Variants in DTNA observed in about 807,000 individuals in gnomAD.
DTNA encodes dystrophin-related protein 3.
A neutral mutation model predicts 100.7 loss-of-function variants in DTNA; 43 were observed. The ratio of observed to expected loss-of-function variants is 0.43; its 90% CI spans 0.33 to 0.55. The LOEUF (loss-of-function observed/expected upper bound fraction) is 0.55, where lower values mean the gene tolerates loss of function less well. DTNA is among the 20% of genes least tolerant of loss of function. DTNA has a pLI of 0.04. For synonymous variants in DTNA, 349 were observed against 347.9 expected, an observed-to-expected ratio of 1.00 and a Z score of -0.04; for missense variants, 798 against 953.9, an observed-to-expected ratio of 0.84 and a Z score of 2.15.
At chr18:34,558,601 A>G (rs969198654) in intron 1 of DTNA, among the ~76,000 whole-genome samples, 2 of 152,226 alleles carry the variant, frequency 1.3e-5, no homozygotes, top group African/African-American at 4.8e-5. Flanking sequence ...CAAATAAAAA[A>G]TAAAGCCGTT....
chr18:34,665,705 A>G (rs1382892768), intron 1 of DTNA, among the ~76,000 whole-genome samples: 1 of 152,280 alleles, frequency 6.6e-6, no homozygotes, highest in South Asian at 2.1e-4. Flanking sequence ...TAGTTTGCTG[A>G]GAATGATGGT....
rs1449869874 is a variant in DTNA, at chr18:34,882,100, C to G, written c.2194C>G (p.Pro732Ala). ...VTEDADPYVQ[P>A]EDENYENDSV... ...GGAGGATGCAGATCCCTATGTGCAG[C>G]CTGAAGATGAAAACTATGAAAATGA... The change falls in exon 21 of 23, where the codon CCT (proline) becomes GCT (alanine). Residue 732 changes from proline (P) to alanine (A), a missense_variant. By Grantham distance (27) the Pro-to-Ala change is conservative. Coordinates refer to ENST00000444659, the MANE Select transcript of DTNA (RefSeq NM_001386795.1). 1.2e-6 allele frequency: 2 copies of G among 1,613,998 alleles called. No individual in the cohort carries two copies. Among genetic ancestry groups the G allele is most frequent in the Non-Finnish European group, 1.7e-6 (2 of 1,179,968 alleles).
At chr18:34,821,461 T>G (rs1256368640) in intron 9 of DTNA, 1 of 456,452 alleles carries the variant, frequency 2.2e-6, no homozygotes, top group Non-Finnish European at 4.4e-6. Flanking sequence ...CCATAGATTC[T>G]TTTCTTCAAA....
At chr18:34,677,279 T>C (rs555673566) in intron 1 of DTNA, among the ~76,000 whole-genome samples, 1 of 152,272 alleles carries the variant, frequency 6.6e-6, no homozygotes, top group South Asian at 2.1e-4. Flanking sequence ...TGGGGTTCTT[T>C]AACACAGTGT....
At chr18:34,561,218 A>C (rs1454126021) in intron 1 of DTNA, among the ~76,000 whole-genome samples, 1 of 152,178 alleles carries the variant, frequency 6.6e-6, no homozygotes, top group Non-Finnish European at 1.5e-5. Flanking sequence ...GGATTTTAGC[A>C]TCACTTTCTT....
intron 17 of DTNA, chr18:34,868,402 A>G: frequency 1.1e-6 from 1 of 914,578 alleles, no homozygotes; most frequent in Non-Finnish European, 1.3e-6. Flanking sequence ...GCGGTTCTGC[A>G]AGGAAATAAA....
intron 1 of DTNA, among the ~76,000 whole-genome samples, chr18:34,711,883 AT>A (rs2082971764): frequency 6.6e-6 from 1 of 152,188 alleles, no homozygotes. Flanking sequence ...AGCATCTAAT[AT>A]TGTAAATGTT....
At chr18:34,883,385 C>A (rs1369070987) in intron 21 of DTNA, among the ~76,000 whole-genome samples, 1 of 151,696 alleles carries the variant, frequency 6.6e-6, no homozygotes, top group Non-Finnish European at 1.5e-5. Context: ...AATCATAGCT[C>A]ACTGCAGCCT....
At chr18:34,695,158 A>G (rs1235640041) in intron 1 of DTNA, among the ~76,000 whole-genome samples, 2 of 152,172 alleles carry the variant, frequency 1.3e-5, no homozygotes, top group Non-Finnish European at 2.9e-5. Flanking sequence ...GAAAGGACCT[A>G]TGTAGCAGGA....
intron 1 of DTNA, among the ~76,000 whole-genome samples, chr18:34,670,848 C>T (rs539207324): frequency 2.0e-5 from 3 of 152,282 alleles, no homozygotes; most frequent in African/African-American, 4.8e-5. Context: ...GGATGCCTCC[C>T]AGATAGGCTA....
At chr18:34,852,312 C>T (rs1049883237) in intron 15 of DTNA, among the ~76,000 whole-genome samples, 1 of 151,886 alleles carries the variant, frequency 6.6e-6, no homozygotes, top group African/African-American at 2.4e-5. Context: ...CCAGAGAGGC[C>T]CCCTGGAAGG....
At chr18:34,525,738 A>C (rs879067966) in intron 1 of DTNA, among the ~76,000 whole-genome samples, 1 of 152,182 alleles carries the variant, frequency 6.6e-6, no homozygotes, top group African/African-American at 2.4e-5. Context: ...GAAAAAGCCA[A>C]ACATTTTCCA....
chr18:34,722,372 C>A (rs1049705225), intron 1 of DTNA, among the ~76,000 whole-genome samples: 2 of 151,780 alleles, frequency 1.3e-5, no homozygotes, highest in Non-Finnish European at 2.9e-5. Flanking sequence ...TGCATAGCAA[C>A]AGGAAAGATT....
intron 1 of DTNA, among the ~76,000 whole-genome samples, chr18:34,617,236 A>G (rs575038857): frequency 8.1e-4 from 124 of 152,280 alleles, no homozygotes; most frequent in African/African-American, 3.0e-3. Flanking sequence ...TTGCCCATTC[A>G]GTATGATGTT....
chr18:34,684,704 C>T (rs1357532231), intron 1 of DTNA, among the ~76,000 whole-genome samples: 1 of 152,106 alleles, frequency 6.6e-6, no homozygotes, highest in Non-Finnish European at 1.5e-5. Context: ...CTGGTTCTAG[C>T]TCCTTGAGGA....
At chr18:34,763,179 ACT>A (rs559848507) in intron 2 of DTNA, among the ~76,000 whole-genome samples, 4 of 152,064 alleles carry the variant, frequency 2.6e-5, no homozygotes, top group Non-Finnish European at 4.4e-5. Flanking sequence ...AGATATTGAG[ACT>A]CTCCTGATTG....
At position 34,794,250 on chromosome 18, in the gene DTNA, C is replaced by T. The variant is rs104894654; in HGVS notation, c.362C>T (p.Pro121Leu). The change falls in exon 4 of 23, where the codon CCG becomes CTG. Residue 121 changes from proline (P) to leucine (L), a missense_variant and splice_region_variant. Transcript: ENST00000444659. ...LLNFLLAAFD[P>L]EGHGKISVFA... is the part of the protein sequence containing the mutation. ...AACTTCCTGCTTGCAGCGTTTGATC[C>T]GTAAGCACCCTCTGAATGTCTGTTC... 33 of 1,613,832 alleles carry T rather than the reference C, an allele frequency of 2.0e-5. No homozygotes were observed. In the East Asian group the frequency reaches 2.2e-4, roughly 11 times the overall value.
intron 1 of DTNA, among the ~76,000 whole-genome samples, chr18:34,691,362 G>A (rs1247747828): frequency 2.0e-5 from 3 of 152,164 alleles, no homozygotes; most frequent in Non-Finnish European, 4.4e-5. Flanking sequence ...GCTTACGGAT[G>A]TGTAATTTTG....
chr18:34,729,477 C>T (rs1488486463), intron 1 of DTNA, among the ~76,000 whole-genome samples: 2 of 152,216 alleles, frequency 1.3e-5, no homozygotes, highest in Non-Finnish European at 2.9e-5. Flanking sequence ...CAGGTTGCTG[C>T]TCTCTCCTTC....
Sources: gnomAD v4.1 joint callset for allele counts (sites outside exome capture counted in the v4.1 genomes callset) on GRCh38, gnomAD v4.1.1 for gene constraint, MANE v1.5 for transcripts, NCBI Gene and HGNC (gene_info 2026-07-23, HGNC 2026-07-21) for gene names.